The following CDC42BPA variants were observed in gnomAD, a reference collection of about 807,000 sequenced individuals.
The protein encoded by CDC42BPA is serine/threonine-protein kinase MRCK alpha.
In CDC42BPA, 80 loss-of-function variants were observed where a neutral mutation model predicts 223.5. That is an observed-to-expected ratio of 0.36 (90% CI 0.30 to 0.43). CDC42BPA has a LOEUF of 0.43. CDC42BPA is among the 20% of genes least tolerant of loss of function. The probability of loss-of-function intolerance (pLI) is 1.00; values close to 1 mark genes in which losing one functional copy is unlikely to be tolerated. For missense variants in CDC42BPA, 1,743 were observed against 2,099.9 expected (o/e 0.83, Z 3.32); for synonymous variants, 694 against 718.6 (o/e 0.97, Z 0.55).
chr1:227,082,461 T>A (rs1281948148), intron 16 of CDC42BPA, among the ~76,000 whole-genome samples: 1 of 151,980 alleles, frequency 6.6e-6, no homozygotes, highest in African/African-American at 2.4e-5. Context: ...ACACCTGTAA[T>A]CCCAGCACTT....
chr1:227,133,881 T>C, intron 10 of CDC42BPA, among the ~76,000 whole-genome samples: 1 of 151,942 alleles, frequency 6.6e-6, no homozygotes, highest in Non-Finnish European at 1.5e-5. Flanking sequence ...TTCACTTGTT[T>C]ATCTGCTGAC....
intron 1 of CDC42BPA, among the ~76,000 whole-genome samples, chr1:227,289,671 A>C (rs1689368013): frequency 6.6e-6 from 1 of 152,210 alleles, no homozygotes; most frequent in Non-Finnish European, 1.5e-5. Context: ...GAGGTATGCA[A>C]TAAATATCTG....
At position 227,129,714 on chromosome 1, in the gene CDC42BPA, T is replaced by TAC. The variant is rs1553352250; in HGVS notation, c.1391-485_1391-484dup. Among the ~76,000 whole-genome samples, 119 of 105,806 alleles carry TAC rather than the reference T, an allele frequency of 1.1e-3. 6 individuals are homozygous for TAC. Among genetic ancestry groups the TAC allele is most frequent in the Non-Finnish European group, 1.7e-3 (88 of 52,322 alleles). The allele number at this position is 105,806 out of a possible 152,430, so 69.4% of individuals were successfully genotyped here. ...AAAAAATCCACTGCATATATATATA[T>TAC]ACAAAAGAATCCACCTTCTAATAAT... On this transcript the variant is annotated intron_variant, in intron 10 of 36. Transcript: ENST00000366766.
At chr1:227,306,301 C>T (rs1692537005) in intron 1 of CDC42BPA, among the ~76,000 whole-genome samples, 1 of 151,922 alleles carries the variant, frequency 6.6e-6, no homozygotes, top group African/African-American at 2.4e-5. Context: ...GGAACGTAAC[C>T]CATTTGTACA....
intron 16 of CDC42BPA, among the ~76,000 whole-genome samples, chr1:227,090,549 G>A (rs1043802786): frequency 6.6e-6 from 1 of 152,092 alleles, no homozygotes; most frequent in African/African-American, 2.4e-5. Context: ...GGTGGCTCAC[G>A]CCTGTAATCC....
intron 1 of CDC42BPA, among the ~76,000 whole-genome samples, chr1:227,306,694 C>A (rs1286172324): frequency 3.3e-5 from 5 of 152,188 alleles, no homozygotes; most frequent in African/African-American, 4.8e-5. Context: ...CGAACTTAGT[C>A]TGTTGTTAAA....
At chr1:226,997,971 C>T (rs1661979403) in intron 35 of CDC42BPA, among the ~76,000 whole-genome samples, 2 of 152,098 alleles carry the variant, frequency 1.3e-5, no homozygotes, top group African/African-American at 4.8e-5. Flanking sequence ...CCGCTTGAAC[C>T]AGTGTGCAAA....
chr1:227,219,768 T>C (rs77071507), intron 2 of CDC42BPA, among the ~76,000 whole-genome samples: 9,118 of 152,120 alleles, frequency 0.06, 275 homozygotes, highest in Non-Finnish European at 0.072. Context: ...AACCTACTAG[T>C]TCATAAACAC....
rs1309498246 is a variant in CDC42BPA at position 227,230,812 on chromosome 1, C to CTTTTTTTTTTTTT, written c.271-17594_271-17593insAAAAAAAAAAAAA. Among the ~76,000 whole-genome samples, 95 of 111,732 alleles carry CTTTTTTTTTTTTT rather than the reference C, an allele frequency of 8.5e-4. 2 individuals are homozygous for CTTTTTTTTTTTTT. The highest frequency in any genetic ancestry group is 1.2e-3 in the South Asian group (4 of 3,258). 73.3% of individuals were successfully genotyped at this position (111,732 alleles called of 152,430 possible). On this transcript the variant is annotated intron_variant, in intron 2 of 36. Transcript: ENST00000366766. ...GCTAACTGATTTCTATTTCTTTTTTCTTTCTTTCTTTTTTTTTTTTTTTTT... is the reference window on the plus strand; with the variant it reads ...GCTAACTGATTTCTATTTCTTTTTTCTTTTTTTTTTTTTTTTCTTTCTTTTTTTTTTTTTTTTT...
intron 3 of CDC42BPA, among the ~76,000 whole-genome samples, chr1:227,204,651 G>C (rs1022351043): frequency 2.6e-5 from 4 of 152,130 alleles, no homozygotes; most frequent in African/African-American, 9.6e-5. Context: ...ATCTCTAACA[G>C]CATTTCATAG....
chr1:227,267,517 C>T (rs1449548907), intron 1 of CDC42BPA, among the ~76,000 whole-genome samples: 1 of 152,174 alleles, frequency 6.6e-6, no homozygotes, highest in East Asian at 1.9e-4. Flanking sequence ...TAGATGCCTG[C>T]TAATGAATAT....
intron 33 of CDC42BPA, among the ~76,000 whole-genome samples, chr1:227,016,519 C>T (rs371595568): frequency 8.5e-5 from 13 of 152,166 alleles, no homozygotes; most frequent in Non-Finnish European, 1.2e-4. Context: ...ACTTTAGAAA[C>T]GGTCTTATAT....
intron 1 of CDC42BPA, among the ~76,000 whole-genome samples, chr1:227,268,745 G>A (rs916609396): frequency 1.3e-5 from 2 of 150,376 alleles, no homozygotes; most frequent in Non-Finnish European, 2.9e-5. Context: ...GAGTGTACTG[G>A]CGTGATCCCG....
At chr1:227,051,523 A>G (rs1673524170) in intron 22 of CDC42BPA, among the ~76,000 whole-genome samples, 1 of 152,170 alleles carries the variant, frequency 6.6e-6, no homozygotes, top group African/African-American at 2.4e-5. Context: ...TTATATCATG[A>G]CCTATTACAT....
intron 14 of CDC42BPA, among the ~76,000 whole-genome samples, chr1:227,109,655 C>T (rs904426050): frequency 4.6e-5 from 7 of 151,870 alleles, no homozygotes; most frequent in African/African-American, 7.3e-5. Flanking sequence ...TGTGAGCCAC[C>T]GCACCTGGCT....
intron 15 of CDC42BPA, among the ~76,000 whole-genome samples, chr1:227,096,967 G>A (rs894797753): frequency 6.6e-6 from 1 of 152,026 alleles, no homozygotes; most frequent in Non-Finnish European, 1.5e-5. Context: ...ACACAGACAA[G>A]TTCCCACCAC....
At position 227,071,170 on chromosome 1, in the gene CDC42BPA, G is replaced by A. The variant is rs1424260298; in HGVS notation, c.2827+1038C>T. ...TTATTGAGCATCGACTATTTGTAAA[G>A]GCTTTTTCTTGTTAGCTTCTTTATG... On this transcript the variant is annotated intron_variant, in intron 20 of 36. Transcript: ENST00000366766. Among the ~76,000 whole-genome samples the A allele has an allele frequency of 4.0e-5, 6 of 151,782 alleles. No homozygotes were observed. The East Asian group carries it at 7.7e-4, about 20-fold the overall frequency.
chr1:227,118,901 T>C (rs1688191483), intron 12 of CDC42BPA, among the ~76,000 whole-genome samples: 1 of 152,166 alleles, frequency 6.6e-6, no homozygotes, highest in African/African-American at 2.4e-5. Flanking sequence ...AAAAATGTAC[T>C]GGTCTATTTC....
intron 2 of CDC42BPA, among the ~76,000 whole-genome samples, chr1:227,213,449 C>T (rs1011966217): frequency 6.6e-6 from 1 of 152,032 alleles, no homozygotes; most frequent in Non-Finnish European, 1.5e-5. Flanking sequence ...TATTTGTGAA[C>T]GCTGTATTAG....
Sources: allele counts gnomAD v4.1 joint callset (sites outside exome capture counted in the v4.1 genomes callset), GRCh38; gene constraint gnomAD v4.1.1; transcripts MANE v1.5; gene names NCBI Gene and HGNC (gene_info 2026-07-23, HGNC 2026-07-21).